Variants in NKAIN2 observed in about 807,000 individuals in gnomAD.
NKAIN2 encodes sodium/potassium transporting ATPase interacting 2, also known as sodium/potassium-transporting ATPase subunit beta-1-interacting protein 2.
A neutral mutation model predicts 32.6 loss-of-function variants in NKAIN2; 14 were observed. The ratio of observed to expected loss-of-function variants is 0.43; its 90% CI spans 0.28 to 0.67. The LOEUF (loss-of-function observed/expected upper bound fraction) is 0.67, where lower values mean the gene tolerates loss of function less well. Ranked by LOEUF, NKAIN2 falls within the 30% of genes least tolerant of loss-of-function variation. The pLI is 0.17. For missense variants in NKAIN2, 198 were observed against 258.3 expected (o/e 0.77, Z 1.60); for synonymous variants, 80 against 87.2 (o/e 0.92, Z 0.46).
chr6:124,619,525 CA>C (rs1466575479), intron 3 of NKAIN2, among the ~76,000 whole-genome samples: 2 of 152,058 alleles, frequency 1.3e-5, no homozygotes, highest in African/African-American at 4.8e-5. Context: ...GAAGAAAAAA[CA>C]AAAGTTATAA....
intron 1 of NKAIN2, among the ~76,000 whole-genome samples, chr6:124,040,060 G>T (rs1781797362): frequency 6.6e-6 from 1 of 151,870 alleles, no homozygotes; most frequent in South Asian, 2.1e-4. Context: ...ATTACAAGTG[G>T]TTTGTTTCTT....
intron 1 of NKAIN2, among the ~76,000 whole-genome samples, chr6:123,988,604 T>A (rs1256491052): frequency 6.6e-6 from 1 of 152,228 alleles, no homozygotes; most frequent in Admixed American, 6.5e-5. Context: ...AATAATTCCC[T>A]GTACCTCTTA....
chr6:124,712,063 T>C (rs1207039451), intron 4 of NKAIN2, among the ~76,000 whole-genome samples: 2 of 151,920 alleles, frequency 1.3e-5, no homozygotes, highest in East Asian at 3.9e-4. Flanking sequence ...GCAGGTCTGT[T>C]GGAATACCCT....
intron 3 of NKAIN2, among the ~76,000 whole-genome samples, chr6:124,422,666 A>C (rs150104437): frequency 1.3e-5 from 2 of 152,354 alleles, no homozygotes; most frequent in South Asian, 4.1e-4. Context: ...CAAAACAACA[A>C]TTACAAAAAA....
chr6:124,324,617 A>G (rs944795222), intron 2 of NKAIN2, among the ~76,000 whole-genome samples: 2 of 152,094 alleles, frequency 1.3e-5, no homozygotes, highest in African/African-American at 4.8e-5. Flanking sequence ...TAATAGGAGC[A>G]GTGGGACCAA....
chr6:124,576,043 C>T lies in NKAIN2; in HGVS notation c.274-82143C>T, dbSNP rs559830448. Reference sequence around the variant, plus strand: ...ATTGTGTTCTTTACCAACATGGATTCACATGAAGGAAAAAGAAAGCCAGTT... The same window carrying T: ...ATTGTGTTCTTTACCAACATGGATTTACATGAAGGAAAAAGAAAGCCAGTT... On this transcript the variant is annotated intron_variant, in intron 3 of 6. Coordinates refer to ENST00000368417, the MANE Select transcript of NKAIN2 (RefSeq NM_001040214.3). Among the ~76,000 whole-genome samples the T allele has an allele frequency of 4.6e-5, 7 of 152,228 alleles. 1 individual carries two copies. The highest frequency in any genetic ancestry group is 1.7e-4 in the African/African-American group (7 of 41,532).
chr6:123,911,509 A>C (rs1366304667), intron 1 of NKAIN2, among the ~76,000 whole-genome samples: 1 of 152,020 alleles, frequency 6.6e-6, no homozygotes, highest in Non-Finnish European at 1.5e-5. Flanking sequence ...GCCATTCATG[A>C]GGGATCCATC....
At chr6:124,086,234 G>A (rs1784185412) in intron 1 of NKAIN2, among the ~76,000 whole-genome samples, 1 of 151,922 alleles carries the variant, frequency 6.6e-6, no homozygotes, top group African/African-American at 2.4e-5. Flanking sequence ...AAATGATTAT[G>A]AGGATGATTG....
At chr6:124,746,487 TAGC>T (rs1268887620) in intron 4 of NKAIN2, among the ~76,000 whole-genome samples, 1 of 152,002 alleles carries the variant, frequency 6.6e-6, no homozygotes, top group Non-Finnish European at 1.5e-5. Context: ...ATTAAAATAA[TAGC>T]AGGAGAAGTT....
At chr6:124,281,760 A>T (rs1795307618) in intron 1 of NKAIN2, among the ~76,000 whole-genome samples, 1 of 152,216 alleles carries the variant, frequency 6.6e-6, no homozygotes, top group Non-Finnish European at 1.5e-5. Flanking sequence ...AAAGAACTGC[A>T]GTAGGAATAA....
intron 1 of NKAIN2, among the ~76,000 whole-genome samples, chr6:123,932,749 C>G (rs1393718515): frequency 6.8e-6 from 1 of 146,980 alleles, no homozygotes; most frequent in Admixed American, 6.9e-5. Flanking sequence ...AGCCAGTCAT[C>G]GAGGTTTTAA....
intron 5 of NKAIN2, among the ~76,000 whole-genome samples, chr6:124,801,993 C>A (rs985069149): frequency 3.9e-5 from 6 of 152,088 alleles, no homozygotes; most frequent in African/African-American, 1.4e-4. Context: ...TTCCCAAATA[C>A]CAATAAAAAT....
chr6:124,769,486 A>G (rs954241143), intron 4 of NKAIN2, among the ~76,000 whole-genome samples: 1 of 152,132 alleles, frequency 6.6e-6, no homozygotes, highest in Non-Finnish European at 1.5e-5. Context: ...TAGTTTTTGC[A>G]TGCCTATTTA....
At chr6:124,432,097 A>G (rs1775242932) in intron 3 of NKAIN2, among the ~76,000 whole-genome samples, 1 of 150,626 alleles carries the variant, frequency 6.6e-6, no homozygotes, top group Non-Finnish European at 1.5e-5. Flanking sequence ...GAGATATTGT[A>G]AGTGTCACAA....
intron 2 of NKAIN2, among the ~76,000 whole-genome samples, chr6:124,321,956 T>C (rs889469186): frequency 2.0e-5 from 3 of 152,216 alleles, no homozygotes; most frequent in African/African-American, 7.2e-5. Context: ...ATTTTCCTTC[T>C]AAATTCTGAC....
intron 4 of NKAIN2, among the ~76,000 whole-genome samples, chr6:124,709,809 G>GT (rs1775337317): frequency 1.3e-5 from 2 of 151,598 alleles, no homozygotes; most frequent in East Asian, 1.9e-4. Flanking sequence ...TTTTTGAAGG[G>GT]TTTTTTGTGT....
intron 1 of NKAIN2, among the ~76,000 whole-genome samples, chr6:123,999,662 G>A (rs1779791179): frequency 6.6e-6 from 1 of 152,096 alleles, no homozygotes; most frequent in African/African-American, 2.4e-5. Flanking sequence ...ATATAGTACT[G>A]CTTTTATTTT....
At chr6:124,548,966 C>A (rs186353015) in intron 3 of NKAIN2, among the ~76,000 whole-genome samples, 1 of 152,218 alleles carries the variant, frequency 6.6e-6, no homozygotes, top group East Asian at 1.9e-4. Context: ...TAAAGCCTAA[C>A]TAAAGTGGTG....
At chr6:124,149,676 A>G (rs1045166053) in intron 1 of NKAIN2, among the ~76,000 whole-genome samples, 1 of 152,210 alleles carries the variant, frequency 6.6e-6, no homozygotes, top group African/African-American at 2.4e-5. Flanking sequence ...GATTGTAATG[A>G]CTGTAATGAT....
Sources: gnomAD v4.1 joint callset for allele counts (sites outside exome capture counted in the v4.1 genomes callset) on GRCh38, gnomAD v4.1.1 for gene constraint, MANE v1.5 for transcripts, NCBI Gene and HGNC (gene_info 2026-07-23, HGNC 2026-07-21) for gene names.